Variants in TTC6 observed in about 807,000 individuals in gnomAD.
TTC6 encodes the protein tetratricopeptide repeat protein 6.
In TTC6, 172 loss-of-function variants were observed where a neutral mutation model predicts 210.4. That is an observed-to-expected ratio of 0.82 (90% confidence interval 0.72 to 0.93). The LOEUF is 0.93. Ranked by LOEUF, TTC6 falls within the 40% of genes least tolerant of loss-of-function variation. The probability of loss-of-function intolerance (pLI) is 0.00; values close to 1 mark genes in which losing one functional copy is unlikely to be tolerated. For missense variants in TTC6, 2,414 were observed against 2,318.1 expected (o/e 1.04, Z -0.85); for synonymous variants, 804 against 819.6 (o/e 0.98, Z 0.32).
At chr14:37,805,416 G>GACACACAC (rs60931072) in intron 21 of TTC6, among the ~76,000 whole-genome samples, 9,732 of 146,354 alleles carry the variant, frequency 0.066, 309 homozygotes, top group African/African-American at 0.072. Flanking sequence ...TCTATCTCAA[G>GACACACAC]ACACACACAC....
At chr14:37,787,433 T>C in intron 14 of TTC6, 35 bp from the exon 17 acceptor site, 1 of 1,409,328 alleles carries the variant, frequency 7.1e-7, no homozygotes, top group East Asian at 2.5e-5. Context: ...ATGTATACTT[T>C]ACAGTACTTG....
chr14:37,759,176 T>C (rs1445460640), intron 14 of TTC6, among the ~76,000 whole-genome samples: 1 of 149,808 alleles, frequency 6.7e-6, no homozygotes, highest in Non-Finnish European at 1.5e-5. Flanking sequence ...GGCAGGAGAA[T>C]CGCTTGTACC....
intron 26 of TTC6, 144 bp downstream of exon 28, chr14:37,817,795 CAA>C (rs2096145737): frequency 1.3e-6 from 1 of 748,558 alleles, no homozygotes; most frequent in Admixed American, 2.6e-5. Context: ...GGGAGGGACA[CAA>C]AGAGTTCCCT....
rs373839993 is a variant in TTC6, at chr14:37,753,051, A to AT, written c.3130-40dup. On this transcript the variant is annotated intron_variant, in intron 13 of 30. Transcript: ENST00000553443. Reference sequence around the variant, plus strand: ...GATCACTTATGTGATTATATACTTCATTTTTTTTCATTTTGTGATGTTTAT... The same window carrying AT: ...GATCACTTATGTGATTATATACTTCATTTTTTTTTCATTTTGTGATGTTTAT... 1.1e-4 allele frequency: 160 copies of AT among 1,418,284 alleles called. No homozygotes were observed. The African/African-American group carries it at 1.4e-3, about 12-fold the overall frequency. The allele number at this position is 1,418,284 out of a possible 1,614,324, so 87.9% of individuals were successfully genotyped here.
rs528021947 is a variant in TTC6, at chr14:37,831,577, G to A, written c.5298+4211G>A. On this transcript the variant is annotated intron_variant, in intron 29 of 30. Transcript: ENST00000553443. Reference sequence around the variant, plus strand: ...CCGATTCTCTGTATTCTTGCCAGACGTTTTTTTTGTGTGTGTTTTTCTTTG... The same window carrying A: ...CCGATTCTCTGTATTCTTGCCAGACATTTTTTTTGTGTGTGTTTTTCTTTG... 4.0e-5 allele frequency among the ~76,000 whole-genome samples: 6 copies of A among 149,202 alleles called. No individual in the cohort carries two copies. In the South Asian group the frequency reaches 6.4e-4, roughly 16 times the overall value.
At chr14:37,823,625 T>C in intron 26 of TTC6, 122 bp from the exon 29 acceptor site, 4 of 864,364 alleles carry the variant, frequency 4.6e-6, no homozygotes, top group Non-Finnish European at 7.1e-6. Flanking sequence ...GTAATAGAAA[T>C]GGAGATTTTT....
chr14:37,748,996 A>T, exon 11 of TTC6: 2 of 1,534,552 alleles, frequency 1.3e-6, no homozygotes, highest in Non-Finnish European at 1.7e-6. Context: ...AAGTTCCATT[A>T]TATGAACGTC....
chr14:37,758,747 T>G (rs1490272653), intron 14 of TTC6, among the ~76,000 whole-genome samples: 1 of 152,224 alleles, frequency 6.6e-6, no homozygotes, highest in Non-Finnish European at 1.5e-5. Flanking sequence ...GCTGGTTATT[T>G]TATACATTAG....
At chr14:37,615,148 A>G (rs1290652628) in intron 2 of TTC6, among the ~76,000 whole-genome samples, 1 of 152,080 alleles carries the variant, frequency 6.6e-6, no homozygotes, top group Non-Finnish European at 1.5e-5. Context: ...TCTTTGAATT[A>G]TTGTTTCCCT....
At chr14:37,666,544 A>G (rs1234410447) in intron 1 of TTC6, among the ~76,000 whole-genome samples, 1 of 150,054 alleles carries the variant, frequency 6.7e-6, no homozygotes, top group South Asian at 2.1e-4. Context: ...CGATGCAGGT[A>G]GAGTGCCTGG....
chr14:37,736,580 G>A (rs1241871009), intron 8 of TTC6, among the ~76,000 whole-genome samples: 1 of 152,114 alleles, frequency 6.6e-6, no homozygotes, highest in South Asian at 2.1e-4. Context: ...ATGTTTATGA[G>A]TCTTTGACTA....
chr14:37,808,883 TG>T, intron 24 of TTC6, 37 bp downstream of exon 26: 3 of 1,078,112 alleles, frequency 2.8e-6, no homozygotes, highest in Non-Finnish European at 4.1e-6. Context: ...GTGTTTAAAG[TG>T]TTTAATAAAT....
At chr14:37,796,023 A>G (rs2096091933) in intron 18 of TTC6, among the ~76,000 whole-genome samples, 1 of 152,120 alleles carries the variant, frequency 6.6e-6, no homozygotes, top group Non-Finnish European at 1.5e-5. Flanking sequence ...ATTTCTCAGC[A>G]AAAAGTATAA....
At chr14:37,747,858 C>T (rs554016859) in intron 10 of TTC6, among the ~76,000 whole-genome samples, 24 of 152,276 alleles carry the variant, frequency 1.6e-4, no homozygotes, top group African/African-American at 5.3e-4. Context: ...CTGAAAAGGG[C>T]AATGGCCTTC....
intron 14 of TTC6, among the ~76,000 whole-genome samples, chr14:37,784,023 C>T (rs914165724): frequency 6.6e-6 from 1 of 152,122 alleles, no homozygotes; most frequent in Middle Eastern, 3.2e-3. Context: ...TGTTCTTTTA[C>T]ATTTGCTGAG....
intron 10 of TTC6, among the ~76,000 whole-genome samples, chr14:37,748,717 G>A (rs1389948978): frequency 6.6e-6 from 1 of 152,120 alleles, no homozygotes; most frequent in Non-Finnish European, 1.5e-5. Flanking sequence ...ACTGTAAGGA[G>A]GCTACATCTT....
intron 27 of TTC6, among the ~76,000 whole-genome samples, chr14:37,825,875 T>G (rs781330223): frequency 1.3e-5 from 2 of 152,098 alleles, no homozygotes; most frequent in Non-Finnish European, 2.9e-5. Context: ...AATGCGCATT[T>G]TTCTGTGTTG....
At chr14:37,777,431 C>CT (rs1385197986) in intron 14 of TTC6, among the ~76,000 whole-genome samples, 1 of 152,040 alleles carries the variant, frequency 6.6e-6, no homozygotes, top group Non-Finnish European at 1.5e-5. Context: ...TCTTAAAGTG[C>CT]TTTTTTTCAG....
At chr14:37,840,778 C>A (rs563377519) in intron 29 of TTC6, among the ~76,000 whole-genome samples, 1 of 152,226 alleles carries the variant, frequency 6.6e-6, no homozygotes, top group African/African-American at 2.4e-5. Context: ...GTATTTTATC[C>A]TGTTGTTGTG....
Sources: gnomAD v4.1 joint callset for allele counts (sites outside exome capture counted in the v4.1 genomes callset) on GRCh38, gnomAD v4.1.1 for gene constraint, MANE v1.5 for transcripts, NCBI Gene and HGNC (gene_info 2026-07-23, HGNC 2026-07-21) for gene names.